The following SLC2A5 variants were observed in gnomAD, a reference collection of about 807,000 sequenced individuals.
SLC2A5 encodes the protein solute carrier family 2, facilitated glucose transporter member 5.
In SLC2A5, 56 loss-of-function variants were observed where a neutral mutation model predicts 50.3. The ratio of observed to expected loss-of-function variants is 1.11; its 90% confidence interval spans 0.90 to 1.39. SLC2A5 has a LOEUF of 1.39. Ranked by LOEUF, SLC2A5 falls within the 40% of genes most tolerant of loss-of-function variation. SLC2A5 has a pLI of 0.00. For missense variants in SLC2A5, 566 were observed against 650.1 expected (o/e 0.87, Z 1.41); for synonymous variants, 269 against 281.9 (o/e 0.95, Z 0.46).
At chr1:9,076,010 C>T (rs540667435) in intron 2 of SLC2A5, among the ~76,000 whole-genome samples, 22 of 149,036 alleles carry the variant, frequency 1.5e-4, no homozygotes, top group Non-Finnish European at 2.4e-4. Flanking sequence ...GGCTGGGGTG[C>T]AGTGGCACAA....
Position 9,041,739 on chromosome 1 carries a change from G to A in SLC2A5, c.571+46C>T, listed in dbSNP as rs555331459. 29 of 1,613,988 alleles carry A rather than the reference G, an allele frequency of 1.8e-5. No individual in the cohort carries two copies. In the South Asian group the frequency reaches 3.1e-4, roughly 17 times the overall value. ...TTGGAACACAAGGAGGGGGCCAAGG[G>A]TAGTGGTGAAGGGGTGGGGGTGCTC... On this transcript the variant is annotated intron_variant, in intron 5 of 11. Coordinates refer to ENST00000377424, the MANE Select transcript of SLC2A5 (RefSeq NM_003039.3).
rs764145777 is a variant in SLC2A5, at chr1:9,041,894, G to T, written c.462C>A (p.Ala154=). The T allele has an allele frequency of 5.6e-6, 9 of 1,613,670 alleles. No individual in the cohort carries two copies. Among genetic ancestry groups the T allele is most frequent in the Non-Finnish European group, 7.6e-6 (9 of 1,179,942 alleles). ...CGAGAGCCCCCCGCAGGTTTTTAGG[G>T]GCCAGCTCCCCTAAGTACATGGGGA... ...NVVPMYLGEL[A]PKNLRGALGV... is the part of the protein sequence containing the mutation. The change falls in exon 5 of 12, where the codon GCC becomes GCA. Residue 154 remains alanine (A), a synonymous_variant. Coordinates refer to ENST00000377424, the MANE Select transcript of SLC2A5 (RefSeq NM_003039.3).
At chr1:9,087,430 T>C (rs113349501) in intron 1 of SLC2A5, among the ~76,000 whole-genome samples, 6,284 of 152,034 alleles carry the variant, frequency 0.041, 267 homozygotes, top group African/African-American at 0.1. Flanking sequence ...GGTCTCAATC[T>C]CCTGACCTTG....
chr1:9,059,136 CTTTTTTT>C (rs869052429), intron 1 of SLC2A5, among the ~76,000 whole-genome samples: 9 of 53,926 alleles, frequency 1.7e-4, no homozygotes, highest in South Asian at 2.2e-3. Flanking sequence ...GCCTTTCTTT[CTTTTTTT>C]TTTTTTTTTT....
chr1:9,045,478 G>A (rs1038400845), intron 4 of SLC2A5, among the ~76,000 whole-genome samples: 2 of 152,128 alleles, frequency 1.3e-5, no homozygotes, highest in Non-Finnish European at 2.9e-5. Context: ...AAACAATTCT[G>A]TATTGTTAAT....
At chr1:9,087,516 C>T (rs1642415963) in intron 1 of SLC2A5, among the ~76,000 whole-genome samples, 1 of 151,972 alleles carries the variant, frequency 6.6e-6, no homozygotes, top group South Asian at 2.1e-4. Context: ...TTTCTTCTTT[C>T]TTTAAGTCTT....
intron 5 of SLC2A5, chr1:9,041,511 T>C (rs2124319812): frequency 3.0e-6 from 4 of 1,343,294 alleles, no homozygotes. Flanking sequence ...TATGGACAGC[T>C]GCTGAGCAGG....
In SLC2A5 at chr1:9,069,587, C is replaced by T. The variant is rs372344298; in HGVS notation, c.-51G>A. ...GCTCACCTCCTTTTAGCCAAAGTAA[C>T]GCGTGCACTGAATGGAGAGAGAAGA... On this transcript the variant is annotated 5_prime_UTR_variant, in exon 1 of 12. Transcript: ENST00000377424. 1.9e-4 allele frequency: 308 copies of T among 1,604,440 alleles called. 1 individual carries two copies. Among genetic ancestry groups the T allele is most frequent in the Middle Eastern group, 8.3e-4 (5 of 6,030 alleles).
rs767608606 is a variant in SLC2A5 at position 9,037,724 on chromosome 1, G to A, written c.1368C>T (p.Ile456=). ...CCTTGGTCTCCGGGACAATCAAGAA[G>A]ATGTAGATGGTGGTGAGGAGGCAGA... The part of the protein sequence containing the change: ...AVICLLTTIY[I]FLIVPETKAK... Residue 456 remains isoleucine, a synonymous_variant, in exon 12 of 12, where the codon ATC becomes ATT. Transcript: ENST00000377424. 1.2e-6 allele frequency: 2 copies of A among 1,614,226 alleles called. No individual in the cohort carries two copies. The highest frequency in any genetic ancestry group is 1.1e-5 in the South Asian group (1 of 91,084).
chr1:9,040,956 A>G lies in SLC2A5; in HGVS notation c.572-767T>C, dbSNP rs575415026. 4 of 155,878 alleles carry G rather than the reference A, an allele frequency of 2.6e-5. No individual in the cohort carries two copies. Among genetic ancestry groups the G allele is most frequent in the Admixed American group, 2.0e-4 (3 of 15,354 alleles). 9.7% of individuals were successfully genotyped at this position (155,878 alleles called of 1,614,324 possible). ...TCATGAGACCTTGGACCAGTCTTCC[A>G]ATCTCTCTGTACCTGTGATGCACCT... is the stretch of plus-strand genomic sequence containing the variant. On this transcript the variant is annotated intron_variant, in intron 5 of 11. Coordinates refer to ENST00000377424, the MANE Select transcript of SLC2A5 (RefSeq NM_003039.3). The surrounding 1 kb of genome is among the most constrained non-coding windows in gnomAD (Gnocchi z 4.3).
chr1:9,074,307 A>G (rs1642257591), upstream of SLC2A5, among the ~76,000 whole-genome samples: 1 of 152,140 alleles, frequency 6.6e-6, no homozygotes, highest in Admixed American at 6.6e-5. Context: ...CAGAAGAAAA[A>G]AGCAGAATCT....
rs1042292182 is a variant in SLC2A5, at chr1:9,036,496, A to C, written c.*1090T>G. On this transcript the variant is annotated 3_prime_UTR_variant, in exon 12 of 12. Coordinates refer to ENST00000377424, the MANE Select transcript of SLC2A5 (RefSeq NM_003039.3). ...CGAGATGCTGGGGATTCAGGCATAA[A>C]CAAAACTGACCAAGCCCCTGCCCTC... The C allele has an allele frequency of 1.3e-5, 2 of 152,334 alleles. No homozygotes were observed. Among genetic ancestry groups the C allele is most frequent in the East Asian group, 3.9e-4 (2 of 5,178 alleles). 9.4% of individuals were successfully genotyped at this position (152,334 alleles called of 1,614,324 possible).
At position 9,040,190 on chromosome 1, in the gene SLC2A5, C is replaced by G; in HGVS notation, c.572-1G>C. 1.3e-6 allele frequency: 2 copies of G among 1,548,672 alleles called. No individual in the cohort carries two copies. Among genetic ancestry groups the G allele is most frequent in the South Asian group, 2.4e-5 (2 of 84,160 alleles). ...GTCAGCCCCAGCAGGATCGGCCAGC[C>G]TGGGAGGAAGGCAGCGAGCTGGCAC... On this transcript the variant is annotated splice_acceptor_variant, in intron 5 of 11. Transcript: ENST00000377424. LOFTEE classifies it high-confidence loss of function. This position sits in a 1 kb window ranked among gnomAD's most constrained non-coding sequence, Gnocchi z 4.3.
intron 2 of SLC2A5, among the ~76,000 whole-genome samples, chr1:9,078,288 C>A (rs976378260): frequency 6.6e-6 from 1 of 152,128 alleles, no homozygotes; most frequent in Non-Finnish European, 1.5e-5. Context: ...GCTTCTTTAC[C>A]ACATCCTTTC....
chr1:9,053,067 A>T lies in SLC2A5; in HGVS notation c.293+4381T>A, dbSNP rs575775594. 3.8e-3 allele frequency among the ~76,000 whole-genome samples: 428 copies of T among 111,290 alleles called. 3 individuals are homozygous for T. Among genetic ancestry groups the T allele is most frequent in the Non-Finnish European group, 5.5e-3 (338 of 60,932 alleles). The allele number at this position is 111,290 out of a possible 152,430, so 73.0% of individuals were successfully genotyped here. A position where few individuals can be genotyped will look rare whatever the true frequency, so the allele number is the denominator to read the frequency against. ...TATATATTAATATATAATATATATTATATATTTATATATTAATATATAATA... is the reference window on the plus strand; with the variant it reads ...TATATATTAATATATAATATATATTTTATATTTATATATTAATATATAATA... On this transcript the variant is annotated intron_variant, in intron 3 of 11. Transcript: ENST00000377424.
intron 2 of SLC2A5, among the ~76,000 whole-genome samples, chr1:9,077,525 G>T (rs1267638979): frequency 6.6e-6 from 1 of 151,304 alleles, no homozygotes; most frequent in Non-Finnish European, 1.5e-5. Context: ...TGGATCGCCT[G>T]AGGTCAGGAG....
At chr1:9,087,365 T>C (rs999949833) in intron 1 of SLC2A5, among the ~76,000 whole-genome samples, 2 of 152,168 alleles carry the variant, frequency 1.3e-5, no homozygotes, top group South Asian at 2.1e-4. Flanking sequence ...CCACCATGCC[T>C]GGCTAATTTT....
At position 9,037,604 on chromosome 1, in the gene SLC2A5, A is replaced by T. The variant is rs1267535019; in HGVS notation, c.1488T>A (p.Pro496=). 1 of 1,614,024 alleles carries T rather than the reference A, an allele frequency of 6.2e-7. No homozygotes were observed. Among genetic ancestry groups the T allele is most frequent in the Admixed American group, 1.7e-5 (1 of 60,036 alleles). ...PEKEELKELP[P]VTSEQ The stretch of plus-strand genomic sequence containing the variant: ...TCCAGAGTCACTGTTCCGAAGTGAC[A>T]GGTGGAAGCTCTTTCAGTTCCTCCT... Residue 496 remains proline (P), a synonymous_variant, in exon 12 of 12, where the codon CCT becomes CCA. Coordinates refer to ENST00000377424, the MANE Select transcript of SLC2A5 (RefSeq NM_003039.3).
At chr1:9,079,778 C>T (rs1313391218) in intron 2 of SLC2A5, among the ~76,000 whole-genome samples, 6 of 152,218 alleles carry the variant, frequency 3.9e-5, no homozygotes, top group African/African-American at 9.6e-5. Flanking sequence ...TGAGCCACCA[C>T]GCCCAGCCGA....
Sources: allele counts gnomAD v4.1 joint callset (sites outside exome capture counted in the v4.1 genomes callset), GRCh38; gene constraint gnomAD v4.1.1; non-coding constraint Gnocchi (gnomAD v3.1); transcripts MANE v1.5; gene names NCBI Gene and HGNC (gene_info 2026-07-23, HGNC 2026-07-21).